TBC1D16: variants seen among roughly 807,000 people sequenced by gnomAD.
TBC1D16 encodes CTD-2529O21.1.
TBC1D16 carries 58 observed loss-of-function variants against 74.7 expected under a neutral mutation model. The ratio of observed to expected loss-of-function variants is 0.78; its 90% CI spans 0.63 to 0.97. TBC1D16 has a LOEUF of 0.97. TBC1D16 is among the 50% of genes least tolerant of loss of function. The pLI is 0.00. For synonymous variants in TBC1D16, 493 were observed against 474.7 expected (o/e 1.04, Z -0.50); for missense variants, 1,014 against 1,079.5 (o/e 0.94, Z 0.85).
Position 80,010,569 on chromosome 17 carries a change from G to A in TBC1D16, c.370C>T (p.Gln124Ter). 6.2e-7 allele frequency: 1 copy of A among 1,601,690 alleles called. No homozygotes were observed. The highest frequency in any genetic ancestry group is 8.5e-7 in the Non-Finnish European group (1 of 1,176,056). Residue 124 changes from glutamine to a stop codon, truncating the protein, a stop_gained, in exon 3 of 12, where the codon CAG becomes TAG. Transcript: ENST00000310924. LOFTEE classifies it high-confidence loss of function. This position sits in a 1 kb window ranked among gnomAD's most constrained non-coding sequence, Gnocchi z 8.8. Reference protein sequence around the residue: ...RRTRSSGASHQPSPTELRPTL... With the variant: ...RRTRSSGASH ...GGCCGCAGCTCCGTCGGGGAGGGCT[G>A]GTGGGAGGCTCCTGAGCTCCGGGTG...
At chr17:79,966,068 G>C (rs1222833681) in intron 3 of TBC1D16, among the ~76,000 whole-genome samples, 1 of 152,194 alleles carries the variant, frequency 6.6e-6, no homozygotes, top group Non-Finnish European at 1.5e-5. Flanking sequence ...CACTCCCTCT[G>C]AAAGTCTAGG....
rs960990256 is a variant in TBC1D16, at chr17:79,975,715, C to T, written c.780-22897G>A. 1.3e-5 allele frequency among the ~76,000 whole-genome samples: 2 copies of T among 152,234 alleles called. No homozygotes were observed. Among genetic ancestry groups the T allele is most frequent in the Admixed American group, 6.5e-5 (1 of 15,282 alleles). On this transcript the variant is annotated intron_variant, in intron 3 of 11. Coordinates refer to ENST00000310924, the MANE Select transcript of TBC1D16 (RefSeq NM_019020.4). This position sits in a 1 kb window ranked among gnomAD's most constrained non-coding sequence, Gnocchi z 4.5. ...TGTGCACAGCTTCGGGACCCCCAGC[C>T]AGCCCAAACCTGTCGCTGGCTGCCC...
chr17:80,027,339 A>G (rs746794051), intron 1 of TBC1D16, among the ~76,000 whole-genome samples: 18 of 151,662 alleles, frequency 1.2e-4, no homozygotes, highest in Non-Finnish European at 1.9e-4. Flanking sequence ...GCATGTGCCT[A>G]TAGTCCCAGA....
At chr17:79,969,961 A>G (rs2034010053) in intron 3 of TBC1D16, among the ~76,000 whole-genome samples, 2 of 152,198 alleles carry the variant, frequency 1.3e-5, no homozygotes, top group South Asian at 4.1e-4. Context: ...AAAAGAAAAG[A>G]AAATAGATGT....
chr17:80,011,114 T>C (rs1320730908), intron 2 of TBC1D16, among the ~76,000 whole-genome samples: 1 of 152,078 alleles, frequency 6.6e-6, no homozygotes, highest in Non-Finnish European at 1.5e-5. Flanking sequence ...CAATCTCAGC[T>C]TACTGCAACC....
At chr17:80,002,824 C>T (rs952625768) in intron 3 of TBC1D16, among the ~76,000 whole-genome samples, 2 of 152,226 alleles carry the variant, frequency 1.3e-5, no homozygotes, top group South Asian at 2.1e-4. Flanking sequence ...GGCACAGGAC[C>T]GCGTGCACTG....
Position 79,985,471 on chromosome 17 carries a change from G to C in TBC1D16, c.779+24689C>G, listed in dbSNP as rs1357625856. 6.6e-6 allele frequency among the ~76,000 whole-genome samples: 1 copy of C among 152,160 alleles called. No individual in the cohort carries two copies. Among genetic ancestry groups the C allele is most frequent in the African/African-American group, 2.4e-5 (1 of 41,424 alleles). ...TCACTTTTTTTGGACAGGGAAGCTC[G>C]GCTGTGGGTGCGAAGCAGGACTGCC... On this transcript the variant is annotated intron_variant, in intron 3 of 11. Coordinates refer to ENST00000310924, the MANE Select transcript of TBC1D16 (RefSeq NM_019020.4). The surrounding 1 kb of genome is among the most constrained non-coding windows in gnomAD (Gnocchi z 4.9).
chr17:79,964,909 T>C (rs2033775798), intron 3 of TBC1D16, among the ~76,000 whole-genome samples: 1 of 152,130 alleles, frequency 6.6e-6, no homozygotes, highest in South Asian at 2.1e-4. Flanking sequence ...ATAATATATA[T>C]TGACAGGTAT....
chr17:79,948,979 T>C lies in TBC1D16; in HGVS notation c.1434A>G (p.Arg478=). Residue 478 remains arginine (R), a synonymous_variant, in exon 8 of 12, where the codon AGA becomes AGG. Transcript: ENST00000310924. ...KRLSMTPEEH[R]AFWRNVQFTV... is the part of the protein sequence containing the mutation. ...TGAACTGCACATTACGCCAGAACGCTCTGTGCTCCTCGGGAGTCATGGAGA... is the reference window on the plus strand; with the variant it reads ...TGAACTGCACATTACGCCAGAACGCCCTGTGCTCCTCGGGAGTCATGGAGA... 5 of 1,614,112 alleles carry C rather than the reference T, an allele frequency of 3.1e-6. No homozygotes were observed. Among genetic ancestry groups the C allele is most frequent in the Non-Finnish European group, 1.7e-6 (2 of 1,179,998 alleles).
intron 1 of TBC1D16, among the ~76,000 whole-genome samples, chr17:80,028,859 A>T (rs1344571085): frequency 6.6e-6 from 1 of 151,872 alleles, no homozygotes; most frequent in East Asian, 1.9e-4. Context: ...TGATCCGCCT[A>T]CCTCGACCTC....
In TBC1D16 at chr17:79,941,944, T is replaced by C. The variant is rs1404137507; in HGVS notation, c.2055+116A>G. ...ACGTGCTGGGGGGCCATGGTGGGGA[T>C]GGGGCTCTGGGGGCGGGGCCCACAT... On this transcript the variant is annotated intron_variant, in intron 11 of 11. Coordinates refer to ENST00000310924, the MANE Select transcript of TBC1D16 (RefSeq NM_019020.4). The surrounding 1 kb of genome is among the most constrained non-coding windows in gnomAD (Gnocchi z 4.3). The C allele has an allele frequency of 9.2e-6, 8 of 866,744 alleles. No homozygotes were observed. In the African/African-American group the frequency reaches 2.2e-4, roughly 23 times the overall value. 53.7% of individuals were successfully genotyped at this position (866,744 alleles called of 1,614,324 possible). A position where few individuals can be genotyped will look rare whatever the true frequency, so the allele number is the denominator to read the frequency against.
In TBC1D16 at chr17:79,939,149, C is replaced by A. The variant is rs1179946547; in HGVS notation, c.*1710G>T. The A allele has an allele frequency of 6.6e-6, 1 of 152,346 alleles. No homozygotes were observed. Among genetic ancestry groups the A allele is most frequent in the Admixed American group, 6.5e-5 (1 of 15,290 alleles). 9.4% of individuals were successfully genotyped at this position (152,346 alleles called of 1,614,324 possible). The stretch of plus-strand genomic sequence containing the variant: ...CCACCTCCCTAGCCCAGAAAGGCAA[C>A]CCTCTCTTCCCAGAAGCAACATGGA... On this transcript the variant is annotated 3_prime_UTR_variant, in exon 12 of 12. Coordinates refer to ENST00000310924, the MANE Select transcript of TBC1D16 (RefSeq NM_019020.4).
At chr17:79,942,341 C>T (rs377259983) in intron 10 of TBC1D16, 135 bp from the exon 11 acceptor site, 26 of 954,030 alleles carry the variant, frequency 2.7e-5, no homozygotes, top group African/African-American at 9.9e-5. Flanking sequence ...GCTCGGGGGC[C>T]GTGTGGCCCT....
intron 8 of TBC1D16, 150 bp from the exon 9 acceptor site, chr17:79,947,981 C>G (rs779806528): frequency 1.5e-6 from 1 of 687,796 alleles, no homozygotes; most frequent in Admixed American, 2.8e-5. Context: ...AGAGCCCAAG[C>G]TTAGCTTCCA....
At chr17:79,952,355 TG>T (rs1490928611) in intron 4 of TBC1D16, among the ~76,000 whole-genome samples, 5 of 152,208 alleles carry the variant, frequency 3.3e-5, no homozygotes, top group Non-Finnish European at 7.4e-5. Flanking sequence ...CGCCGGCAGC[TG>T]CTACCCTCTG....
chr17:79,954,832 C>A lies in TBC1D16; in HGVS notation c.780-2014G>T, dbSNP rs1415170234. Among the ~76,000 whole-genome samples, 1 of 152,070 alleles carries A rather than the reference C, an allele frequency of 6.6e-6. No individual in the cohort carries two copies. Among genetic ancestry groups the A allele is most frequent in the Non-Finnish European group, 1.5e-5 (1 of 67,990 alleles). ...CTCCTCCCCCAGCCTTCTTACCACA[C>A]CCAACAGCAGAATCCCCCAAACCTG... On this transcript the variant is annotated intron_variant, in intron 3 of 11. Coordinates refer to ENST00000310924, the MANE Select transcript of TBC1D16 (RefSeq NM_019020.4). The surrounding 1 kb of genome is among the most constrained non-coding windows in gnomAD (Gnocchi z 5.5).
chr17:80,019,697 A>T (rs2036220190), intron 1 of TBC1D16, among the ~76,000 whole-genome samples: 1 of 149,778 alleles, frequency 6.7e-6, no homozygotes, highest in Non-Finnish European at 1.5e-5. Flanking sequence ...AAACACACTC[A>T]GAGAAGGAAA....
At chr17:80,017,045 G>A (rs370724244) in intron 1 of TBC1D16, among the ~76,000 whole-genome samples, 47 of 152,100 alleles carry the variant, frequency 3.1e-4, no homozygotes, top group African/African-American at 9.9e-4. Context: ...GATCTCAACC[G>A]TCTCCAGGGC....
chr17:79,974,218 T>C (rs993465334), intron 3 of TBC1D16, among the ~76,000 whole-genome samples: 5 of 145,630 alleles, frequency 3.4e-5, no homozygotes, highest in Admixed American at 3.4e-4. Flanking sequence ...GAATTGTTTA[T>C]TTCTGGAATT....
Sources: allele counts gnomAD v4.1 joint callset (sites outside exome capture counted in the v4.1 genomes callset), GRCh38; gene constraint gnomAD v4.1.1; non-coding constraint Gnocchi (gnomAD v3.1); transcripts MANE v1.5; gene names NCBI Gene and HGNC (gene_info 2026-07-23, HGNC 2026-07-21).